The following SLC24A2 variants were observed in gnomAD, a reference collection of about 807,000 sequenced individuals.
The protein encoded by SLC24A2 is solute carrier family 24 member 2.
In SLC24A2, 36 loss-of-function variants were observed where a neutral mutation model predicts 62.0. The ratio of observed to expected loss-of-function variants is 0.58; its 90% CI spans 0.44 to 0.77. The LOEUF (loss-of-function observed/expected upper bound fraction) is 0.77, where lower values mean the gene tolerates loss of function less well. SLC24A2 is among the 30% of genes least tolerant of loss of function. The pLI, the probability that SLC24A2 is intolerant of heterozygous loss-of-function variation, is 0.00. For missense variants in SLC24A2, 846 were observed against 817.9 expected, an observed-to-expected ratio of 1.03 and a Z score of -0.42; for synonymous variants, 358 against 294.0, an observed-to-expected ratio of 1.22 and a Z score of -2.23.
the SLC24A2 span, among the ~76,000 whole-genome samples, chr9:19,825,866 A>G: frequency 1.2e-3 from 189 of 152,292 alleles, 4 homozygotes; most frequent in Non-Finnish European, 4.7e-4. Flanking sequence ...CTCACTCAGT[A>G]AGAGGCACAT....
chr9:20,263,122 T>C, the SLC24A2 span, among the ~76,000 whole-genome samples: 1 of 152,208 alleles, frequency 6.6e-6, no homozygotes, highest in Admixed American at 6.5e-5. Flanking sequence ...ACCTAACCCA[T>C]TTCAAAACTC....
chr9:19,647,879 G>A (rs890470723), intron 2 of SLC24A2, among the ~76,000 whole-genome samples: 8 of 152,218 alleles, frequency 5.3e-5, no homozygotes, highest in Admixed American at 1.3e-4. Context: ...TCTCACTTGA[G>A]TTGGACAATA....
intron 2 of SLC24A2, among the ~76,000 whole-genome samples, chr9:19,659,918 T>A (rs552541301): frequency 7.9e-5 from 12 of 152,088 alleles, no homozygotes; most frequent in Non-Finnish European, 1.8e-4. Context: ...TCTATTACCA[T>A]CAAAGCCTAA....
intron 8 of SLC24A2, among the ~76,000 whole-genome samples, chr9:19,541,976 C>CCGTCTGTCACCCCTTTCTTTGACT (rs1834286801): frequency 6.6e-6 from 1 of 152,216 alleles, no homozygotes; most frequent in Non-Finnish European, 1.5e-5. Context: ...TTTCCAGGTG[C>CCGTCTGTCACCCCTTTCTTTGACT]CGTCTGTCAC....
the SLC24A2 span, among the ~76,000 whole-genome samples, chr9:19,857,642 ATTAAT>A: frequency 5.9e-5 from 9 of 152,200 alleles, no homozygotes; most frequent in Non-Finnish European, 1.3e-4. Flanking sequence ...GAAATGATTT[ATTAAT>A]TTAATTTTCA....
At chr9:19,794,714 C>A in the SLC24A2 span, among the ~76,000 whole-genome samples, 1 of 152,054 alleles carries the variant, frequency 6.6e-6, no homozygotes, top group African/African-American at 2.4e-5. Context: ...CCAGCAGGGA[C>A]TTCCTGAGAG....
chr9:19,631,992 A>G (rs940098712), intron 2 of SLC24A2, among the ~76,000 whole-genome samples: 1 of 152,128 alleles, frequency 6.6e-6, no homozygotes, highest in African/African-American at 2.4e-5. Context: ...TGAAGTGGAG[A>G]ACATGGCAGT....
the SLC24A2 span, among the ~76,000 whole-genome samples, chr9:20,061,958 G>A: frequency 6.6e-6 from 1 of 152,182 alleles, no homozygotes; most frequent in African/African-American, 2.4e-5. Context: ...TATCTAGCCT[G>A]AGCATGCTGG....
chr9:19,563,974 C>G (rs1435469059), intron 7 of SLC24A2, among the ~76,000 whole-genome samples: 1 of 151,800 alleles, frequency 6.6e-6, no homozygotes, highest in Non-Finnish European at 1.5e-5. Context: ...CCACCTCAGA[C>G]TCCAAAGTAG....
chr9:19,984,984 T>C, the SLC24A2 span, among the ~76,000 whole-genome samples: 1 of 149,898 alleles, frequency 6.7e-6, no homozygotes, highest in Non-Finnish European at 1.5e-5. Flanking sequence ...AAATAAGACA[T>C]CAACATGGTG....
chr9:19,605,894 C>T (rs1273047683), intron 4 of SLC24A2, among the ~76,000 whole-genome samples: 1 of 152,264 alleles, frequency 6.6e-6, no homozygotes, highest in African/African-American at 2.4e-5. Context: ...TAGTAAGAGG[C>T]AGAACTGGGG....
chr9:20,260,861 T>TTTTC, the SLC24A2 span, among the ~76,000 whole-genome samples: 10 of 144,518 alleles, frequency 6.9e-5, no homozygotes, highest in Admixed American at 1.4e-4. Context: ...TTTTTTTTTT[T>TTTTC]TTTTTTTTTT....
chr9:19,706,568 C>A (rs1394570090), intron 2 of SLC24A2, among the ~76,000 whole-genome samples: 2 of 151,856 alleles, frequency 1.3e-5, no homozygotes, highest in South Asian at 4.2e-4. Flanking sequence ...TTAGTAGAGA[C>A]GGGGTTTCAC....
Position 19,508,729 on chromosome 9 carries a change from G to A in SLC24A2, c.*7424C>T, listed in dbSNP as rs1832599592. 6.6e-6 allele frequency: 1 copy of A among 152,074 alleles called. No individual in the cohort carries two copies. The highest frequency in any genetic ancestry group is 2.4e-5 in the African/African-American group (1 of 41,384). The allele number at this position is 152,074 out of a possible 1,614,324, so 9.4% of individuals were successfully genotyped here. A position where few individuals can be genotyped will look rare whatever the true frequency, so the allele number is the denominator to read the frequency against. ...GGATCGCTTGAGTCCAGGTGTTTGA[G>A]GCTACACTGAGCTATGATTGCACCA... On this transcript the variant is annotated 3_prime_UTR_variant, in exon 11 of 11. Coordinates refer to ENST00000341998, the MANE Select transcript of SLC24A2 (RefSeq NM_020344.4).
At chr9:19,593,049 T>C (rs1836602846) in intron 5 of SLC24A2, among the ~76,000 whole-genome samples, 1 of 152,236 alleles carries the variant, frequency 6.6e-6, no homozygotes, top group African/African-American at 2.4e-5. Flanking sequence ...GTGAATGTGC[T>C]AGTACAGGTG....
At chr9:20,285,018 G>A in the SLC24A2 span, among the ~76,000 whole-genome samples, 1 of 152,196 alleles carries the variant, frequency 6.6e-6, no homozygotes, top group Non-Finnish European at 1.5e-5. Context: ...TAAATGTTAA[G>A]TGTAAGGATT....
At chr9:19,844,119 T>C in the SLC24A2 span, among the ~76,000 whole-genome samples, 1 of 152,232 alleles carries the variant, frequency 6.6e-6, no homozygotes, top group African/African-American at 2.4e-5. Context: ...CCACAGGGGC[T>C]TAATTAATTT....
chr9:19,756,358 G>A (rs1822140218), intron 2 of SLC24A2, among the ~76,000 whole-genome samples: 1 of 152,188 alleles, frequency 6.6e-6, no homozygotes, highest in Non-Finnish European at 1.5e-5. Context: ...AAGGGACTCT[G>A]AGAAGAAGAG....
intron 2 of SLC24A2, among the ~76,000 whole-genome samples, chr9:19,721,213 G>A (rs770765023): frequency 7.2e-5 from 11 of 151,962 alleles, no homozygotes; most frequent in East Asian, 1.9e-4. Flanking sequence ...TGAAAATCCC[G>A]CTTTAAAAAT....
Sources: gnomAD v4.1 joint callset for allele counts (sites outside exome capture counted in the v4.1 genomes callset) on GRCh38, gnomAD v4.1.1 for gene constraint, MANE v1.5 for transcripts, NCBI Gene and HGNC (gene_info 2026-07-23, HGNC 2026-07-21) for gene names.